The following SLC17A6 variants were observed in gnomAD, a reference collection of about 807,000 sequenced individuals.
SLC17A6 encodes the protein solute carrier family 17 member 6.
Under a neutral mutation model 67.1 loss-of-function variants are expected in SLC17A6, and 35 were observed. The observed-to-expected ratio is 0.52, with a 90% CI of 0.40 to 0.69. SLC17A6 has a LOEUF of 0.69. SLC17A6 is among the 30% of genes least tolerant of loss of function. The pLI is 0.00. For synonymous variants in SLC17A6, 285 were observed against 252.3 expected (o/e 1.13, Z -1.23); for missense variants, 588 against 723.9 (o/e 0.81, Z 2.15).
At chr11:22,351,646 G>T (rs1225222005) in intron 3 of SLC17A6, among the ~76,000 whole-genome samples, 3 of 141,624 alleles carry the variant, frequency 2.1e-5, no homozygotes, top group African/African-American at 7.7e-5. Context: ...TAAAAACATT[G>T]TATTTTACAG....
chr11:22,345,170 T>A (rs963457732), intron 3 of SLC17A6, among the ~76,000 whole-genome samples: 1 of 151,646 alleles, frequency 6.6e-6, no homozygotes, highest in African/African-American at 2.4e-5. Flanking sequence ...TTCCTCTTTG[T>A]AACACTAGGA....
At chr11:22,354,106 A>G (rs1855972205) in intron 3 of SLC17A6, among the ~76,000 whole-genome samples, 2 of 151,268 alleles carry the variant, frequency 1.3e-5, no homozygotes, top group Admixed American at 1.3e-4. Flanking sequence ...TTTTTGAGAC[A>G]GAGTTTTGCT....
intron 3 of SLC17A6, among the ~76,000 whole-genome samples, chr11:22,351,863 T>C (rs1313861634): frequency 6.6e-6 from 1 of 152,164 alleles, no homozygotes; most frequent in Non-Finnish European, 1.5e-5. Flanking sequence ...AGTGTCAAAG[T>C]TAAGAGTAAT....
chr11:22,371,888 A>G (rs1856178907), intron 8 of SLC17A6, among the ~76,000 whole-genome samples: 1 of 152,034 alleles, frequency 6.6e-6, no homozygotes, highest in Non-Finnish European at 1.5e-5. Context: ...GATGGAGAAC[A>G]TAGGGAATTT....
At chr11:22,358,638 G>A (rs1057031493) in intron 3 of SLC17A6, among the ~76,000 whole-genome samples, 1 of 152,006 alleles carries the variant, frequency 6.6e-6, no homozygotes, top group South Asian at 2.1e-4. Context: ...CCGACCAGAA[G>A]ATTTTTTTTT....
chr11:22,365,959 A>C (rs1448166346), intron 7 of SLC17A6, among the ~76,000 whole-genome samples: 2 of 152,170 alleles, frequency 1.3e-5, no homozygotes, highest in Non-Finnish European at 2.9e-5. Context: ...ATTTTTAAAC[A>C]GTTCAATATG....
intron 2 of SLC17A6, 101 bp from the exon 3 acceptor site, chr11:22,343,146 G>T (rs1855836347): frequency 1.1e-6 from 1 of 951,728 alleles, no homozygotes. Context: ...TGCATGAAGC[G>T]CCCAAGCCTT....
chr11:22,368,042 A>G (rs1210073173), intron 7 of SLC17A6, among the ~76,000 whole-genome samples: 1 of 152,186 alleles, frequency 6.6e-6, no homozygotes, highest in African/African-American at 2.4e-5. Context: ...GTCTTGTCAT[A>G]TTTATTTCAC....
Position 22,367,684 on chromosome 11 carries a change from C to T in SLC17A6, c.891+1995C>T, listed in dbSNP as rs971870947. Among the ~76,000 whole-genome samples the T allele has an allele frequency of 5.3e-5, 8 of 152,070 alleles. No individual in the cohort carries two copies. In the South Asian group the frequency reaches 1.2e-3, roughly 24 times the overall value. On this transcript the variant is annotated intron_variant, in intron 7 of 11. Coordinates refer to ENST00000263160, the MANE Select transcript of SLC17A6 (RefSeq NM_020346.3). ...TGCCAGTTCTTGAGAGGTCATATGT[C>T]TAGATTAGAAATAAATTTTAAAAAT...
At chr11:22,370,363 C>G (rs1856161719) in intron 8 of SLC17A6, among the ~76,000 whole-genome samples, 175 bp downstream of exon 8, 1 of 152,082 alleles carries the variant, frequency 6.6e-6, no homozygotes, top group Non-Finnish European at 1.5e-5. Flanking sequence ...CTACTGTATT[C>G]TGTTGTCTGC....
In SLC17A6 at chr11:22,376,039, T is replaced by G. The variant is rs1217994301; in HGVS notation, c.1232T>G (p.Val411Gly). 6.2e-7 allele frequency: 1 copy of G among 1,612,480 alleles called. No individual in the cohort carries two copies. The highest frequency in any genetic ancestry group is 1.3e-5 in the African/African-American group (1 of 74,920). Residue 411 changes from valine (V) to glycine (G), a missense_variant, in exon 10 of 12, where the codon GTA becomes GGA. Physicochemically the swap from Val to Gly is moderately radical, Grantham distance 109. Coordinates refer to ENST00000263160, the MANE Select transcript of SLC17A6 (RefSeq NM_020346.3). ...LVVGYSHTRG[V>G]AISFLVLAVG... Reference sequence around the variant, plus strand: ...GTTGGCTATTCTCATACTAGAGGGGTAGCAATCTCATTCTTGGTACTTGCA... The same window carrying G: ...GTTGGCTATTCTCATACTAGAGGGGGAGCAATCTCATTCTTGGTACTTGCA...
chr11:22,354,098 T>C (rs1321588983), intron 3 of SLC17A6, among the ~76,000 whole-genome samples: 1 of 152,092 alleles, frequency 6.6e-6, no homozygotes, highest in Admixed American at 6.5e-5. Context: ...TTCTTTTTTT[T>C]TTGAGACAGA....
rs1856158203 is a variant in SLC17A6 at position 22,370,032 on chromosome 11, A to G, written c.892-7A>G. 1.2e-6 allele frequency: 2 copies of G among 1,602,398 alleles called. No individual in the cohort carries two copies. The highest frequency in any genetic ancestry group is 2.3e-5 in the South Asian group (2 of 87,612). On this transcript the variant is annotated splice_polypyrimidine_tract_variant and splice_region_variant and intron_variant, in intron 7 of 11. Transcript: ENST00000263160. ...TGGTCATAATGTCTCTCTTTTTGGA[A>G]TTTCAGAAATTCAAGACTCCATGGA...
Position 22,340,315 on chromosome 11 carries a change from A to G in SLC17A6, c.87-1213A>G, listed in dbSNP as rs563447836. Reference sequence around the variant, plus strand: ...GTATCAATCGCAAGGGGCTACGTACAGAGATGTTACCTTATACATTCCTTT... The same window carrying G: ...GTATCAATCGCAAGGGGCTACGTACGGAGATGTTACCTTATACATTCCTTT... On this transcript the variant is annotated intron_variant, in intron 1 of 11. Transcript: ENST00000263160. Among the ~76,000 whole-genome samples, 40 of 152,382 alleles carry G rather than the reference A, an allele frequency of 2.6e-4. 1 individual carries two copies. The South Asian group carries it at 8.1e-3, about 31-fold the overall frequency.
In SLC17A6 at chr11:22,378,186, T is replaced by C. The variant is rs535061766; in HGVS notation, c.*446T>C. ...TCAAGTAGAGGCGACATTTATTAAG[T>C]GAAAATCATGGAGTTGGGATATCTC... On this transcript the variant is annotated 3_prime_UTR_variant, in exon 12 of 12. Transcript: ENST00000263160. 6.1e-6 allele frequency: 1 copy of C among 163,010 alleles called. No homozygotes were observed. Among genetic ancestry groups the C allele is most frequent in the East Asian group, 1.8e-4 (1 of 5,588 alleles). 10.1% of individuals were successfully genotyped at this position (163,010 alleles called of 1,614,324 possible).
chr11:22,355,249 A>G (rs1270008389), intron 3 of SLC17A6, among the ~76,000 whole-genome samples: 1 of 152,194 alleles, frequency 6.6e-6, no homozygotes, highest in African/African-American at 2.4e-5. Flanking sequence ...GCTCTGAACC[A>G]TTACCTAGTG....
chr11:22,368,541 T>C (rs1856138530), intron 7 of SLC17A6, among the ~76,000 whole-genome samples: 1 of 152,034 alleles, frequency 6.6e-6, no homozygotes, highest in Non-Finnish European at 1.5e-5. Context: ...GAGATATTTT[T>C]CTATTGCTTT....
intron 7 of SLC17A6, among the ~76,000 whole-genome samples, chr11:22,366,254 T>C (rs1856110929): frequency 6.6e-6 from 1 of 152,112 alleles, no homozygotes; most frequent in Non-Finnish European, 1.5e-5. Context: ...GTAAGGAAAC[T>C]TAAGTGAATG....
At chr11:22,369,243 T>C (rs1478817990) in intron 7 of SLC17A6, among the ~76,000 whole-genome samples, 2 of 152,044 alleles carry the variant, frequency 1.3e-5, no homozygotes, top group Non-Finnish European at 2.9e-5. Context: ...GGAGAATATG[T>C]ACTTGCTTAC....
Sources: gnomAD v4.1 joint callset for allele counts (sites outside exome capture counted in the v4.1 genomes callset) on GRCh38, gnomAD v4.1.1 for gene constraint, MANE v1.5 for transcripts, NCBI Gene and HGNC (gene_info 2026-07-23, HGNC 2026-07-21) for gene names.